GPR107: variants seen among roughly 807,000 people sequenced by gnomAD.
GPR107 encodes G protein-coupled receptor 107.
Under a neutral mutation model 75.5 loss-of-function variants are expected in GPR107, and 31 were observed. The observed-to-expected ratio is 0.41, with a 90% CI of 0.31 to 0.55. The LOEUF is 0.55. Ranked by LOEUF, GPR107 falls within the 20% of genes least tolerant of loss-of-function variation. The pLI, the probability that GPR107 is intolerant of heterozygous loss-of-function variation, is 0.26. For synonymous variants in GPR107, 267 were observed against 251.3 expected (o/e 1.06, Z -0.59); for missense variants, 572 against 665.7 (o/e 0.86, Z 1.55).
At chr9:130,110,842 A>C (rs1831280922) in intron 14 of GPR107, among the ~76,000 whole-genome samples, 1 of 152,122 alleles carries the variant, frequency 6.6e-6, no homozygotes, top group Non-Finnish European at 1.5e-5. Context: ...GTGCCCCCTC[A>C]GTTCACTCCT....
Position 130,139,053 on chromosome 9 carries a change from AC to A in GPR107, c.*3936del, listed in dbSNP as rs1554900414. The stretch of plus-strand genomic sequence containing the variant: ...GGAAACAGATCTAGCACACTGCTGC[AC>A]CCCTGCTTCCACACTCCACACTTCA... On this transcript the variant is annotated 3_prime_UTR_variant, in exon 18 of 18. Transcript: ENST00000347136. The A allele has an allele frequency of 1.3e-5, 2 of 152,168 alleles. No homozygotes were observed. Among genetic ancestry groups the A allele is most frequent in the African/African-American group, 4.8e-5 (2 of 41,364 alleles). The allele number at this position is 152,168 out of a possible 1,614,324, so 9.4% of individuals were successfully genotyped here. A position where few individuals can be genotyped will look rare whatever the true frequency, so the allele number is the denominator to read the frequency against.
intron 14 of GPR107, among the ~76,000 whole-genome samples, chr9:130,111,896 C>T (rs1449516152): frequency 1.3e-5 from 2 of 152,170 alleles, no homozygotes; most frequent in Non-Finnish European, 2.9e-5. Context: ...CTCAGGTCCT[C>T]GGTCACTGAG....
In GPR107 at chr9:130,139,796, C is replaced by G. The variant is rs1486327489; in HGVS notation, c.*4675C>G. The G allele has an allele frequency of 6.6e-6, 1 of 152,216 alleles. No homozygotes were observed. Among genetic ancestry groups the G allele is most frequent in the Non-Finnish European group, 1.5e-5 (1 of 68,050 alleles). 9.4% of individuals were successfully genotyped at this position (152,216 alleles called of 1,614,324 possible). A position where few individuals can be genotyped will look rare whatever the true frequency, so the allele number is the denominator to read the frequency against. ...GCCTCCAGAAGGTCAGCCTTTGGAGCACGTAAGATACTGTTACAGGGTCCA... is the reference window on the plus strand; with the variant it reads ...GCCTCCAGAAGGTCAGCCTTTGGAGGACGTAAGATACTGTTACAGGGTCCA... On this transcript the variant is annotated 3_prime_UTR_variant, in exon 18 of 18. Transcript: ENST00000347136.
intron 9 of GPR107, among the ~76,000 whole-genome samples, chr9:130,095,612 C>G (rs1043630762): frequency 6.6e-6 from 1 of 152,054 alleles, no homozygotes; most frequent in African/African-American, 2.4e-5. Context: ...CTGGGATGGT[C>G]TTGATCTCTT....
At chr9:130,080,153 C>G (rs1007197926) in intron 5 of GPR107, among the ~76,000 whole-genome samples, 3 of 152,128 alleles carry the variant, frequency 2.0e-5, no homozygotes, top group African/African-American at 7.2e-5. Context: ...TCAACCTTTC[C>G]CCTTAAGGAG....
At chr9:130,128,071 G>C (rs1831727537) in intron 16 of GPR107, among the ~76,000 whole-genome samples, 1 of 152,150 alleles carries the variant, frequency 6.6e-6, no homozygotes, top group African/African-American at 2.4e-5. Context: ...GATTCTATGA[G>C]GAATCTGAAA....
rs569873783 is a variant in GPR107, at chr9:130,089,640, A to T, written c.622-1236A>T. 2.7e-3 allele frequency among the ~76,000 whole-genome samples: 417 copies of T among 152,092 alleles called. 13 individuals are homozygous for T. The highest frequency in any genetic ancestry group is 4.8e-3 in the East Asian group (25 of 5,180). On this transcript the variant is annotated intron_variant, in intron 7 of 17. Coordinates refer to ENST00000347136, the MANE Select transcript of GPR107 (RefSeq NM_020960.5). Reference sequence around the variant, plus strand: ...ACTATGATGATTCTATTGATTTTTTAAAAAAAATTATATCTTTTAAACTTT... The same window carrying T: ...ACTATGATGATTCTATTGATTTTTTTAAAAAAATTATATCTTTTAAACTTT...
At chr9:130,130,175 T>TAG (rs1234783832) in intron 17 of GPR107, among the ~76,000 whole-genome samples, 1 of 152,218 alleles carries the variant, frequency 6.6e-6, no homozygotes, top group Non-Finnish European at 1.5e-5. Flanking sequence ...CCCCTTCTGT[T>TAG]TCTTTGACCA....
At chr9:130,124,889 T>G in intron 14 of GPR107, 26 bp from the exon 15 acceptor site, 1 of 1,476,164 alleles carries the variant, frequency 6.8e-7, no homozygotes, top group Non-Finnish European at 9.3e-7. Flanking sequence ...TAACGAGCTC[T>G]TCATTTTGTT....
chr9:130,079,806 C>T, intron 5 of GPR107, 37 bp downstream of exon 5: 1 of 1,442,928 alleles, frequency 6.9e-7, no homozygotes, highest in Non-Finnish European at 9.5e-7. Context: ...TCAGTTTTCA[C>T]TACCTGCTTT....
chr9:130,063,459 G>A (rs1350962845), intron 1 of GPR107, among the ~76,000 whole-genome samples: 1 of 152,004 alleles, frequency 6.6e-6, no homozygotes, highest in African/African-American at 2.4e-5. Context: ...CAAAGTGCTG[G>A]GATTACAGGC....
chr9:130,113,034 G>A (rs753876152), intron 14 of GPR107, among the ~76,000 whole-genome samples: 7 of 152,246 alleles, frequency 4.6e-5, no homozygotes, highest in South Asian at 4.2e-4. Flanking sequence ...ACAGGCATGA[G>A]CCACTGTGCC....
At chr9:130,070,202 A>G (rs976427344) in intron 1 of GPR107, among the ~76,000 whole-genome samples, 3 of 141,070 alleles carry the variant, frequency 2.1e-5, no homozygotes, top group Non-Finnish European at 4.6e-5. Flanking sequence ...GGTTTTCACC[A>G]TGTTGCCCAG....
chr9:130,102,150 G>A (rs1027697068), intron 12 of GPR107, among the ~76,000 whole-genome samples: 2 of 151,856 alleles, frequency 1.3e-5, no homozygotes, highest in Non-Finnish European at 2.9e-5. Flanking sequence ...GCTGGCCTGG[G>A]TGTTGAAGGA....
In GPR107 at chr9:130,122,662, G is replaced by A. The variant is rs146168865; in HGVS notation, c.1307-2253G>A. Among the ~76,000 whole-genome samples, 464 of 152,270 alleles carry A rather than the reference G, an allele frequency of 3.0e-3. 4 individuals are homozygous for A. Among genetic ancestry groups the A allele is most frequent in the African/African-American group, 0.01 (430 of 41,538 alleles). Reference sequence around the variant, plus strand: ...CCCGGGGGCAGAGGCTGCAGCTGTCGTGTATACTGCTGTATCCCAGGGCCT... The same window carrying A: ...CCCGGGGGCAGAGGCTGCAGCTGTCATGTATACTGCTGTATCCCAGGGCCT... On this transcript the variant is annotated intron_variant, in intron 14 of 17. Coordinates refer to ENST00000347136, the MANE Select transcript of GPR107 (RefSeq NM_020960.5).
At chr9:130,124,515 A>T (rs1348308104) in intron 14 of GPR107, among the ~76,000 whole-genome samples, 1 of 152,218 alleles carries the variant, frequency 6.6e-6, no homozygotes, top group Non-Finnish European at 1.5e-5. Flanking sequence ...CCAACCTGAG[A>T]CTAGTCCCAG....
chr9:130,095,597 G>A (rs531168511), intron 9 of GPR107, among the ~76,000 whole-genome samples: 174 of 152,230 alleles, frequency 1.1e-3, no homozygotes, highest in African/African-American at 4.0e-3. Flanking sequence ...GTTTCACCAT[G>A]TTGGCTGGGA....
intron 14 of GPR107, chr9:130,110,461 G>T (rs578132921): frequency 9.4e-7 from 1 of 1,066,114 alleles, no homozygotes; most frequent in Non-Finnish European, 1.4e-6. Flanking sequence ...TTCTTAGGAA[G>T]ACATCTGCTA....
chr9:130,101,458 AGCT>A, intron 12 of GPR107, among the ~76,000 whole-genome samples: 2 of 152,354 alleles, frequency 1.3e-5, no homozygotes, highest in East Asian at 3.9e-4. Context: ...TTGAGTAGAG[AGCT>A]GCTGACAGTG....
Sources: allele counts gnomAD v4.1 joint callset (sites outside exome capture counted in the v4.1 genomes callset), GRCh38; gene constraint gnomAD v4.1.1; transcripts MANE v1.5; gene names NCBI Gene and HGNC (gene_info 2026-07-23, HGNC 2026-07-21).